Variants in RWDD1 observed in about 807,000 individuals in gnomAD.
The protein encoded by RWDD1 is RWD domain containing 1.
RWDD1 carries 17 observed loss-of-function variants against 31.6 expected under a neutral mutation model. The observed-to-expected ratio is 0.54, with a 90% CI of 0.37 to 0.81. The LOEUF is 0.81. Ranked by LOEUF, RWDD1 falls within the 30% of genes least tolerant of loss-of-function variation. The pLI, the probability that RWDD1 is intolerant of heterozygous loss-of-function variation, is 0.00. For synonymous variants in RWDD1, 78 were observed against 94.2 expected (o/e 0.83, Z 0.99); for missense variants, 204 against 274.5 (o/e 0.74, Z 1.82).
chr6:116,593,206 A>C lies in RWDD1; in HGVS notation c.*105A>C. On this transcript the variant is annotated 3_prime_UTR_variant, in exon 7 of 7. Transcript: ENST00000466444. ...TTTTTTCTAAGAAAAAATTATTTTCAGGAGAATATTCTTCTGATAGCTTTC... is the reference window on the plus strand; with the variant it reads ...TTTTTTCTAAGAAAAAATTATTTTCCGGAGAATATTCTTCTGATAGCTTTC... The C allele has an allele frequency of 2.6e-6, 3 of 1,144,448 alleles. No individual in the cohort carries two copies. In the South Asian group the frequency reaches 6.0e-5, roughly 23 times the overall value. 70.9% of individuals were successfully genotyped at this position (1,144,448 alleles called of 1,614,324 possible). A position where few individuals can be genotyped will look rare whatever the true frequency, so the allele number is the denominator to read the frequency against.
chr6:116,575,917 A>T (rs545553446), intron 1 of RWDD1, among the ~76,000 whole-genome samples: 25 of 152,208 alleles, frequency 1.6e-4, no homozygotes, highest in African/African-American at 5.8e-4. Context: ...GTCAGAGGGC[A>T]TATCTACTTC....
At chr6:116,580,194 T>C in intron 1 of RWDD1, 101 bp from the exon 2 acceptor site, 1 of 651,396 alleles carries the variant, frequency 1.5e-6, no homozygotes, top group Non-Finnish European at 2.6e-6. Context: ...AAATATAGCC[T>C]AGGGACCAGT....
At chr6:116,590,455 T>G in intron 5 of RWDD1, 51 bp downstream of exon 5, 1 of 1,500,532 alleles carries the variant, frequency 6.7e-7, no homozygotes, top group Non-Finnish European at 8.8e-7. Flanking sequence ...TGTATCATTT[T>G]TTATATAGCA....
chr6:116,573,101 T>C, intron 1 of RWDD1: 1 of 656,512 alleles, frequency 1.5e-6, no homozygotes, highest in Non-Finnish European at 1.9e-6. Flanking sequence ...TCATTTCCAG[T>C]ACTTTGGAAA....
Position 116,573,088 on chromosome 6 carries a change from T to C in RWDD1, c.73+1433T>C, listed in dbSNP as rs910278816. 11 of 799,946 alleles carry C rather than the reference T, an allele frequency of 1.4e-5. No homozygotes were observed. The African/African-American group carries it at 2.1e-4, about 15-fold the overall frequency. The allele number at this position is 799,946 out of a possible 1,614,324, so 49.6% of individuals were successfully genotyped here. A position where few individuals can be genotyped will look rare whatever the true frequency, so the allele number is the denominator to read the frequency against. On this transcript the variant is annotated intron_variant, in intron 1 of 6. Transcript: ENST00000466444. ...TGTTGGATATATTCTTAATCATGTT[T>C]GGTCATTTCCAGTACTTTGGAAACA...
chr6:116,581,481 A>G (rs533953494), intron 2 of RWDD1, among the ~76,000 whole-genome samples: 102 of 152,220 alleles, frequency 6.7e-4, no homozygotes, highest in African/African-American at 2.4e-3. Context: ...TAATAGCTCT[A>G]TGAAATAGGT....
rs1294377031 is a variant in RWDD1, at chr6:116,597,185, G to A, written c.*4084G>A. 6.6e-6 allele frequency: 1 copy of A among 152,194 alleles called. No homozygotes were observed. Among genetic ancestry groups the A allele is most frequent in the Non-Finnish European group, 1.5e-5 (1 of 68,044 alleles). 9.4% of individuals were successfully genotyped at this position (152,194 alleles called of 1,614,324 possible). On this transcript the variant is annotated 3_prime_UTR_variant, in exon 7 of 7. Coordinates refer to ENST00000466444, the MANE Select transcript of RWDD1 (RefSeq NM_015952.4). Reference sequence around the variant, plus strand: ...AGAGATAGCAAGTGAGAAAAAGAGAGACTAGTGGTGATGTTTTTAAGTAAT... The same window carrying A: ...AGAGATAGCAAGTGAGAAAAAGAGAAACTAGTGGTGATGTTTTTAAGTAAT...
chr6:116,584,681 CTT>C (rs779501059), intron 2 of RWDD1, 44 bp from the exon 3 acceptor site: 2 of 1,561,790 alleles, frequency 1.3e-6, no homozygotes, highest in Admixed American at 3.5e-5. Flanking sequence ...ATATCTACCT[CTT>C]TACTTTTAAG....
At chr6:116,588,312 T>A (rs1775077947) in intron 3 of RWDD1, among the ~76,000 whole-genome samples, 1 of 152,182 alleles carries the variant, frequency 6.6e-6, no homozygotes, top group Non-Finnish European at 1.5e-5. Flanking sequence ...TATCTTGTTA[T>A]TTTTTTCTGC....
At chr6:116,584,611 TTAA>T (rs1775006896) in intron 2 of RWDD1, 113 bp from the exon 3 acceptor site, 13 of 865,610 alleles carry the variant, frequency 1.5e-5, no homozygotes, top group Non-Finnish European at 2.4e-5. Flanking sequence ...ATCTGGTCTC[TTAA>T]TAACCTTTTT....
At position 116,593,979 on chromosome 6, in the gene RWDD1, C is replaced by T. The variant is rs2115339545; in HGVS notation, c.*878C>T. The T allele has an allele frequency of 6.6e-6, 1 of 152,374 alleles. No individual in the cohort carries two copies. The highest frequency in any genetic ancestry group is 1.5e-5 in the Non-Finnish European group (1 of 68,348). The allele number at this position is 152,374 out of a possible 1,614,324, so 9.4% of individuals were successfully genotyped here. A position where few individuals can be genotyped will look rare whatever the true frequency, so the allele number is the denominator to read the frequency against. ...AAAAAGGTTTATTTGGCTCATAATT[C>T]TGGATGACCAGAAAGTTGAAGATTG... On this transcript the variant is annotated 3_prime_UTR_variant, in exon 7 of 7. Coordinates refer to ENST00000466444, the MANE Select transcript of RWDD1 (RefSeq NM_015952.4).
At chr6:116,581,304 T>G (rs1774943729) in intron 2 of RWDD1, among the ~76,000 whole-genome samples, 1 of 152,096 alleles carries the variant, frequency 6.6e-6, no homozygotes, top group South Asian at 2.1e-4. Flanking sequence ...GTGGCATGAT[T>G]TGGGCTTCAT....
In RWDD1 at chr6:116,597,221, AAG is replaced by A. The variant is rs756769090; in HGVS notation, c.*4128_*4129del. ...ATGTTTTTAAGTAATTGAAGTAAAA[AAG>A]AGAGAGAAAGAGAGAGAGAAGAGGT... is the stretch of plus-strand genomic sequence containing the variant. On this transcript the variant is annotated 3_prime_UTR_variant, in exon 7 of 7. Coordinates refer to ENST00000466444, the MANE Select transcript of RWDD1 (RefSeq NM_015952.4). 2.6e-5 allele frequency: 4 copies of A among 152,194 alleles called. No homozygotes were observed. Among genetic ancestry groups the A allele is most frequent in the Admixed American group, 1.3e-4 (2 of 15,272 alleles). The allele number at this position is 152,194 out of a possible 1,614,324, so 9.4% of individuals were successfully genotyped here. A position where few individuals can be genotyped will look rare whatever the true frequency, so the allele number is the denominator to read the frequency against.
At position 116,590,359 on chromosome 6, in the gene RWDD1, A is replaced by C; in HGVS notation, c.502A>C (p.Lys168Gln). 1 of 1,598,038 alleles carries C rather than the reference A, an allele frequency of 6.3e-7. No individual in the cohort carries two copies. Among genetic ancestry groups the C allele is most frequent in the South Asian group, 1.1e-5 (1 of 87,054 alleles). ...TGCAGAACTCTTGGAAATTAAAAAG[A>C]AAAGGATGAAAGAAGAAGAACAAGC... is the stretch of plus-strand genomic sequence containing the variant. Reference protein sequence around the residue: ...FDAELLEIKKKRMKEEEQAGK... With the variant: ...FDAELLEIKKQRMKEEEQAGK... The change falls in exon 5 of 7, where the codon AAA (lysine) becomes CAA (glutamine). Residue 168 changes from lysine to glutamine, a missense_variant. Transcript: ENST00000466444.
In RWDD1 at chr6:116,593,944, C is replaced by CAAA; in HGVS notation, c.*855_*857dup. On this transcript the variant is annotated 3_prime_UTR_variant, in exon 7 of 7. Transcript: ENST00000466444. ...TGGGCAACAGAGCAAGACTCCGTCT[C>CAAA]AAAAAAAAAAAAAAGGTTTATTTGG... The CAAA allele has an allele frequency of 8.3e-6, 1 of 120,758 alleles. No homozygotes were observed. Among genetic ancestry groups the CAAA allele is most frequent in the Non-Finnish European group, 1.8e-5 (1 of 55,900 alleles). 7.5% of individuals were successfully genotyped at this position (120,758 alleles called of 1,614,324 possible). A position where few individuals can be genotyped will look rare whatever the true frequency, so the allele number is the denominator to read the frequency against.
At chr6:116,591,832 T>C (rs888436771) in intron 6 of RWDD1, among the ~76,000 whole-genome samples, 2 of 152,266 alleles carry the variant, frequency 1.3e-5, no homozygotes, top group African/African-American at 4.8e-5. Flanking sequence ...TTGTTCTGGA[T>C]TACCTGCTGA....
chr6:116,589,606 C>T (rs1012521199), intron 4 of RWDD1, among the ~76,000 whole-genome samples: 5 of 152,086 alleles, frequency 3.3e-5, no homozygotes, highest in Admixed American at 6.6e-5. Context: ...CAAAACATAT[C>T]AGTTTTGACA....
At chr6:116,586,701 A>G (rs1200628519) in intron 3 of RWDD1, among the ~76,000 whole-genome samples, 1 of 152,196 alleles carries the variant, frequency 6.6e-6, no homozygotes, top group Non-Finnish European at 1.5e-5. Flanking sequence ...CATAATAGAC[A>G]CTCAAATGTT....
At chr6:116,589,936 G>A (rs1368548785) in intron 4 of RWDD1, among the ~76,000 whole-genome samples, 4 of 152,178 alleles carry the variant, frequency 2.6e-5, no homozygotes, top group Non-Finnish European at 5.9e-5. Context: ...TACAATTCAA[G>A]TTGAGATTTG....
Sources: allele counts gnomAD v4.1 joint callset (sites outside exome capture counted in the v4.1 genomes callset), GRCh38; gene constraint gnomAD v4.1.1; transcripts MANE v1.5; gene names NCBI Gene and HGNC (gene_info 2026-07-23, HGNC 2026-07-21).